The following PABPC4L variants were observed in gnomAD, a reference collection of about 807,000 sequenced individuals.
PABPC4L encodes poly(A) binding protein cytoplasmic 4 like.
For missense variants in PABPC4L, 452 were observed against 451.4 expected (o/e 1.00, Z -0.01); for synonymous variants, 169 against 164.1 (o/e 1.03, Z -0.23).
chr4:134,174,998 T>C, the PABPC4L span, among the ~76,000 whole-genome samples: 4 of 152,162 alleles, frequency 2.6e-5, no homozygotes, highest in Admixed American at 6.5e-5. Context: ...TATTATTTTA[T>C]GGCCATGTGT....
At chr4:134,195,947 G>A (rs1377283842), downstream of PABPC4L, among the ~76,000 whole-genome samples, 1 of 151,264 alleles carries the variant, frequency 6.6e-6, no homozygotes, top group Non-Finnish European at 1.5e-5. Flanking sequence ...TGAAAGTGTA[G>A]ATTTTTTAAA....
At chr4:134,177,594 A>G in the PABPC4L span, among the ~76,000 whole-genome samples, 1 of 152,114 alleles carries the variant, frequency 6.6e-6, no homozygotes, top group Non-Finnish European at 1.5e-5. Flanking sequence ...CAGGCAGGCA[A>G]TGCTTGCTAG....
the PABPC4L span, among the ~76,000 whole-genome samples, chr4:134,167,808 A>G: frequency 6.6e-6 from 1 of 152,100 alleles, no homozygotes; most frequent in African/African-American, 2.4e-5. Flanking sequence ...TATCTGAGGT[A>G]AAGAGAGAGA....
the PABPC4L span, among the ~76,000 whole-genome samples, chr4:134,136,786 C>A: frequency 6.6e-5 from 10 of 151,990 alleles, no homozygotes; most frequent in Non-Finnish European, 1.5e-4. Context: ...CTTATCTTCT[C>A]TTTATTTTTC....
chr4:133,955,651 T>G, the PABPC4L span, among the ~76,000 whole-genome samples: 2 of 152,172 alleles, frequency 1.3e-5, no homozygotes, highest in Non-Finnish European at 2.9e-5. Context: ...AGAATTAAAT[T>G]TAACAATATT....
the PABPC4L span, among the ~76,000 whole-genome samples, chr4:134,190,900 C>T: frequency 6.6e-6 from 1 of 152,100 alleles, no homozygotes; most frequent in Non-Finnish European, 1.5e-5. Flanking sequence ...AATCTGCCCA[C>T]CTCGGCCTCC....
chr4:134,182,948 A>T, the PABPC4L span, among the ~76,000 whole-genome samples: 1 of 152,018 alleles, frequency 6.6e-6, no homozygotes, highest in Non-Finnish European at 1.5e-5. Context: ...TTAAAAAGTC[A>T]CAAAATAACA....
the PABPC4L span, among the ~76,000 whole-genome samples, chr4:134,135,926 T>G: frequency 6.6e-6 from 1 of 152,162 alleles, no homozygotes; most frequent in African/African-American, 2.4e-5. Flanking sequence ...TACTGTGGTA[T>G]GGTTTTTACC....
At chr4:134,042,637 G>C in the PABPC4L span, among the ~76,000 whole-genome samples, 1 of 152,148 alleles carries the variant, frequency 6.6e-6, no homozygotes, top group East Asian at 1.9e-4. Flanking sequence ...CAACAAACTT[G>C]GGTCGAGCTG....
the PABPC4L span, among the ~76,000 whole-genome samples, chr4:134,068,337 A>G: frequency 1.3e-5 from 2 of 152,164 alleles, no homozygotes; most frequent in Admixed American, 1.3e-4. Context: ...AAATTAAAAT[A>G]GCAATCCCCG....
the PABPC4L span, among the ~76,000 whole-genome samples, chr4:133,983,702 A>G: frequency 6.6e-6 from 1 of 151,862 alleles, no homozygotes; most frequent in Non-Finnish European, 1.5e-5. Context: ...TAAACTTGGA[A>G]TATTTTGTAT....
the PABPC4L span, among the ~76,000 whole-genome samples, chr4:134,074,362 C>G: frequency 6.6e-6 from 1 of 152,174 alleles, no homozygotes; most frequent in Admixed American, 6.5e-5. Context: ...CTTCATCGTC[C>G]ATATCACTGT....
At chr4:134,146,940 C>T in the PABPC4L span, among the ~76,000 whole-genome samples, 29 of 151,992 alleles carry the variant, frequency 1.9e-4, no homozygotes, top group Non-Finnish European at 8.8e-5. Context: ...GCTTGAAGGT[C>T]GAGTTTCACT....
chr4:134,085,622 C>G, the PABPC4L span, among the ~76,000 whole-genome samples: 2 of 152,126 alleles, frequency 1.3e-5, no homozygotes, highest in African/African-American at 4.8e-5. Context: ...ACTTCTAACA[C>G]CATATGTTGT....
chr4:134,089,369 C>T, the PABPC4L span, among the ~76,000 whole-genome samples: 3 of 152,038 alleles, frequency 2.0e-5, no homozygotes, highest in African/African-American at 7.2e-5. Context: ...GTGCTATATG[C>T]GTTGCAATTG....
At chr4:134,093,862 C>A in the PABPC4L span, among the ~76,000 whole-genome samples, 43 of 151,512 alleles carry the variant, frequency 2.8e-4, 1 homozygote, top group East Asian at 2.9e-3. Context: ...GCCTCAGAAG[C>A]AGTTCCCAGC....
chr4:134,097,269 T>C, the PABPC4L span, among the ~76,000 whole-genome samples: 1 of 151,886 alleles, frequency 6.6e-6, no homozygotes, highest in African/African-American at 2.4e-5. Flanking sequence ...ATTCAAAGAT[T>C]ATATGAAAGA....
At chr4:134,126,509 G>T in the PABPC4L span, among the ~76,000 whole-genome samples, 2 of 152,070 alleles carry the variant, frequency 1.3e-5, no homozygotes, top group African/African-American at 2.4e-5. Flanking sequence ...TTATTAAAGA[G>T]ACCCTGTGGG....
At chr4:134,127,413 A>T in the PABPC4L span, among the ~76,000 whole-genome samples, 1 of 152,014 alleles carries the variant, frequency 6.6e-6, no homozygotes, top group East Asian at 1.9e-4. Flanking sequence ...CTCCACTGCT[A>T]CCTCCACCAG....
Sources: gnomAD v4.1 joint callset for allele counts (sites outside exome capture counted in the v4.1 genomes callset) on GRCh38, gnomAD v4.1.1 for gene constraint, MANE v1.5 for transcripts, NCBI Gene and HGNC (gene_info 2026-07-23, HGNC 2026-07-21) for gene names.